The following HIVEP3 variants were observed in gnomAD, a reference collection of about 807,000 sequenced individuals.
HIVEP3 encodes transcription factor HIVEP3.
Under a neutral mutation model 152.8 loss-of-function variants are expected in HIVEP3, and 49 were observed. That is an observed-to-expected ratio of 0.32 (90% CI 0.26 to 0.41). The LOEUF is 0.41. Ranked by LOEUF, HIVEP3 falls within the 10% of genes least tolerant of loss-of-function variation. The pLI is 1.00. For synonymous variants in HIVEP3, 1,269 were observed against 1,289.0 expected, an observed-to-expected ratio of 0.98 and a Z score of 0.33; for missense variants, 2,790 against 3,103.3, an observed-to-expected ratio of 0.90 and a Z score of 2.40.
intron 1 of HIVEP3, among the ~76,000 whole-genome samples, chr1:41,982,916 C>T (rs937481863): frequency 2.6e-5 from 4 of 152,286 alleles, no homozygotes; most frequent in East Asian, 1.9e-4. Context: ...CCTAGAGCAG[C>T]GGTCCCCAAT....
chr1:42,021,708 A>T (rs1446460651), intron 1 of HIVEP3, among the ~76,000 whole-genome samples: 1 of 152,218 alleles, frequency 6.6e-6, no homozygotes, highest in Non-Finnish European at 1.5e-5. Context: ...GACCTGGGAT[A>T]CTACAGAAGT....
At chr1:41,986,827 A>C (rs1265553151) in intron 1 of HIVEP3, among the ~76,000 whole-genome samples, 1 of 152,248 alleles carries the variant, frequency 6.6e-6, no homozygotes, top group Non-Finnish European at 1.5e-5. Context: ...CAGAGTATTA[A>C]ATGAATACTA....
At chr1:41,929,829 T>A (rs1201350732) in intron 1 of HIVEP3, among the ~76,000 whole-genome samples, 2 of 150,260 alleles carry the variant, frequency 1.3e-5, no homozygotes, top group African/African-American at 4.9e-5. Context: ...TCTGCTTTGC[T>A]TATTAGTAAC....
chr1:41,629,388 T>A (rs1488858634), intron 2 of HIVEP3, among the ~76,000 whole-genome samples: 2 of 152,094 alleles, frequency 1.3e-5, no homozygotes, highest in Admixed American at 6.6e-5. Flanking sequence ...GGCTAAGTGC[T>A]CAAAAGCAAT....
chr1:41,525,295 TAA>T (rs199544552), intron 5 of HIVEP3, among the ~76,000 whole-genome samples: 2 of 116,520 alleles, frequency 1.7e-5, no homozygotes, highest in Non-Finnish European at 3.9e-5. Flanking sequence ...ATGATGATAA[TAA>T]AACAGCAGCA....
chr1:41,689,380 T>C (rs1056006098), intron 2 of HIVEP3, among the ~76,000 whole-genome samples: 1 of 152,142 alleles, frequency 6.6e-6, no homozygotes, highest in Non-Finnish European at 1.5e-5. Flanking sequence ...GCCAACTTAG[T>C]GTTTGGAGGT....
intron 2 of HIVEP3, among the ~76,000 whole-genome samples, chr1:41,641,016 G>T (rs764990207): frequency 6.6e-6 from 1 of 152,248 alleles, no homozygotes; most frequent in South Asian, 2.1e-4. Flanking sequence ...GCTGGGGTAA[G>T]AACAAAATGG....
At chr1:41,831,330 C>A (rs1642958236) in intron 1 of HIVEP3, among the ~76,000 whole-genome samples, 1 of 152,142 alleles carries the variant, frequency 6.6e-6, no homozygotes, top group Admixed American at 6.6e-5. Context: ...CTTCTCTGAG[C>A]CTCAGTTTTC....
chr1:42,018,461 C>G (rs542541576), intron 1 of HIVEP3, among the ~76,000 whole-genome samples: 3 of 151,766 alleles, frequency 2.0e-5, no homozygotes, highest in African/African-American at 7.2e-5. Flanking sequence ...TGAGTCAGCA[C>G]TATTTATTGA....
intron 2 of HIVEP3, among the ~76,000 whole-genome samples, chr1:41,636,979 A>AAAG (rs71062598): frequency 6.9e-6 from 1 of 145,954 alleles, no homozygotes; most frequent in East Asian, 2.0e-4. Flanking sequence ...AAAAAAAAAA[A>AAAG]TCGGTATCAC....
intron 3 of HIVEP3, among the ~76,000 whole-genome samples, chr1:41,607,714 A>C (rs1644841098): frequency 6.6e-6 from 1 of 152,178 alleles, no homozygotes; most frequent in South Asian, 2.1e-4. Flanking sequence ...TAAAGTTAGG[A>C]TATGTATTAG....
intron 2 of HIVEP3, among the ~76,000 whole-genome samples, chr1:41,641,755 T>C (rs1276197646): frequency 6.6e-6 from 1 of 152,224 alleles, no homozygotes; most frequent in Non-Finnish European, 1.5e-5. Flanking sequence ...CCTGCAGCTC[T>C]GGGTCAACCC....
At chr1:41,682,534 C>T (rs1264714301) in intron 2 of HIVEP3, among the ~76,000 whole-genome samples, 3 of 152,174 alleles carry the variant, frequency 2.0e-5, no homozygotes, top group African/African-American at 7.2e-5. Context: ...TCTGCATTAG[C>T]TGCCTTACAG....
intron 3 of HIVEP3, among the ~76,000 whole-genome samples, chr1:41,590,483 T>C (rs370360904): frequency 6.6e-6 from 1 of 152,204 alleles, no homozygotes; most frequent in African/African-American, 2.4e-5. Flanking sequence ...GGAAGGAACA[T>C]GGATGTGGTG....
At position 41,507,076 on chromosome 1, in the gene HIVEP3, C is replaced by T. The variant is rs1395788364; in HGVS notation, c.*3375G>A. On this transcript the variant is annotated 3_prime_UTR_variant, in exon 9 of 9. Coordinates refer to ENST00000372583, the MANE Select transcript of HIVEP3 (RefSeq NM_024503.5). ...GCAGATCGGTCCCCAAGGACAGGTGCTCAGCCAGGACTTTTGCTTTAAGAA... is the reference window on the plus strand; with the variant it reads ...GCAGATCGGTCCCCAAGGACAGGTGTTCAGCCAGGACTTTTGCTTTAAGAA... The T allele has an allele frequency of 5.3e-5, 8 of 152,152 alleles. No homozygotes were observed. Among genetic ancestry groups the T allele is most frequent in the Admixed American group, 3.3e-4 (5 of 15,274 alleles). The allele number at this position is 152,152 out of a possible 1,614,324, so 9.4% of individuals were successfully genotyped here.
chr1:41,881,261 G>A (rs1644256647), intron 1 of HIVEP3, among the ~76,000 whole-genome samples: 1 of 152,176 alleles, frequency 6.6e-6, no homozygotes, highest in South Asian at 2.1e-4. Context: ...GCATTATTAT[G>A]TTATATCTTC....
At chr1:41,671,707 C>T (rs916813734) in intron 2 of HIVEP3, among the ~76,000 whole-genome samples, 12 of 152,348 alleles carry the variant, frequency 7.9e-5, no homozygotes, top group Non-Finnish European at 1.3e-4. Context: ...CAGCTCCCAG[C>T]GCAGACCCCG....
Position 41,758,155 on chromosome 1 carries a change from T to C in HIVEP3, c.-800-57160A>G, listed in dbSNP as rs56337971. On this transcript the variant is annotated intron_variant, in intron 1 of 8. Transcript: ENST00000372583. ...GTGGGGGTGGTGCAGTTGGATGACA[T>C]CCAACCAAGGCTGCCTTCCCCGGAC... Among the ~76,000 whole-genome samples the C allele has an allele frequency of 4.5e-3, 685 of 152,258 alleles. 5 individuals carry two copies. The highest frequency in any genetic ancestry group is 0.015 in the African/African-American group (633 of 41,554).
At chr1:41,909,688 AAGTGACCACAT>A (rs1250608046) in intron 1 of HIVEP3, among the ~76,000 whole-genome samples, 4 of 152,154 alleles carry the variant, frequency 2.6e-5, no homozygotes, top group Admixed American at 1.3e-4. Flanking sequence ...ACATTATGAA[AAGTGACCACAT>A]ACCAAGCCTT....
Sources: gnomAD v4.1 joint callset for allele counts (sites outside exome capture counted in the v4.1 genomes callset) on GRCh38, gnomAD v4.1.1 for gene constraint, MANE v1.5 for transcripts, NCBI Gene and HGNC (gene_info 2026-07-23, HGNC 2026-07-21) for gene names.